Variants in OTOG observed in about 807,000 individuals in gnomAD.
OTOG encodes the protein otogelin.
OTOG carries 296 observed loss-of-function variants against 313.8 expected under a neutral mutation model. That is an observed-to-expected ratio of 0.94 (90% CI 0.86 to 1.04). OTOG has a LOEUF of 1.04. Among genes scored for constraint, OTOG ranks in the 50% least tolerant of loss-of-function variants. OTOG has a pLI of 0.00. For missense variants in OTOG, 3,948 were observed against 3,840.1 expected (o/e 1.03, Z -0.74); for synonymous variants, 1,533 against 1,554.9 (o/e 0.99, Z 0.33).
chr11:17,593,576 T>C, intron 26 of OTOG, 34 bp from the exon 27 acceptor site: 1 of 1,543,538 alleles, frequency 6.5e-7, no homozygotes. Flanking sequence ...TAGGGGGCAC[T>C]TGGGCTCAGG....
In OTOG at chr11:17,632,233, T is replaced by G. The variant is rs752107890; in HGVS notation, c.7072+7T>G. On this transcript the variant is annotated splice_region_variant and intron_variant, in intron 42 of 55. Coordinates refer to ENST00000399397, the MANE Select transcript of OTOG (RefSeq NM_001292063.2). ...CGGCGCTCTGACTACTGCCGTGAGT[T>G]TGCGGGGCAGGGGGACCCTCCATTG... The G allele has an allele frequency of 1.3e-5, 20 of 1,548,164 alleles. 1 individual carries two copies. The South Asian group carries it at 2.4e-4, about 18-fold the overall frequency.
In OTOG at chr11:17,606,087, T is replaced by A; in HGVS notation, c.4108T>A (p.Tyr1370Asn). Residue 1370 changes from tyrosine to asparagine, a missense_variant, in exon 33 of 56, where the codon TAC becomes AAC. Tyr to Asn is a moderately radical substitution (Grantham distance 143). Coordinates refer to ENST00000399397, the MANE Select transcript of OTOG (RefSeq NM_001292063.2). ...GGGCGCGGTGCTGGCCCTGCGGCTG[T>A]ACGAACACACAGAGGTGTTCCGCCG... Reference protein sequence around the residue: ...VSGAVLALRLYEHTEVFRRGT... With the variant: ...VSGAVLALRLNEHTEVFRRGT... The A allele has an allele frequency of 6.5e-7, 1 of 1,549,778 alleles. No homozygotes were observed. Among genetic ancestry groups the A allele is most frequent in the South Asian group, 1.2e-5 (1 of 83,974 alleles).
At chr11:17,549,171 G>A (rs556661788) in intron 3 of OTOG, among the ~76,000 whole-genome samples, 1 of 152,150 alleles carries the variant, frequency 6.6e-6, no homozygotes, top group East Asian at 1.9e-4. Context: ...GCCCGCATTT[G>A]TCTCCCTCTT....
intron 23 of OTOG, among the ~76,000 whole-genome samples, chr11:17,581,507 C>G (rs1852664603): frequency 6.6e-6 from 1 of 152,186 alleles, no homozygotes; most frequent in Admixed American, 6.5e-5. Context: ...AAAAATACAA[C>G]AGAAACTGAC....
chr11:17,619,499 A>T (rs1853810534), intron 39 of OTOG, among the ~76,000 whole-genome samples: 1 of 150,932 alleles, frequency 6.6e-6, no homozygotes, highest in African/African-American at 2.4e-5. Flanking sequence ...CCTTCTTTGG[A>T]TTGTTTTTAA....
rs1371013771 is a variant in OTOG, at chr11:17,611,393, C to G, written c.6093C>G (p.Thr2031=). ...GTTTGGCGGAGGCTTTGGCAACTAC[C>G]ACTGAGGCCAATACATCCACCACCT... ...VEGLAEALAT[T]TEANTSTTCV... is the part of the protein sequence containing the mutation. The change falls in exon 36 of 56, where the codon ACC becomes ACG. Residue 2031 remains threonine, a synonymous_variant. Coordinates refer to ENST00000399397, the MANE Select transcript of OTOG (RefSeq NM_001292063.2). 6.5e-7 allele frequency: 1 copy of G among 1,537,170 alleles called. No homozygotes were observed. Among genetic ancestry groups the G allele is most frequent in the Non-Finnish European group, 8.8e-7 (1 of 1,137,744 alleles).
At chr11:17,639,342 C>T in intron 48 of OTOG, 81 bp from the exon 49 acceptor site, 1 of 1,438,938 alleles carries the variant, frequency 6.9e-7, no homozygotes, top group South Asian at 1.2e-5. Flanking sequence ...GTTGTGCCAG[C>T]AGTGAGAGGT....
At chr11:17,560,608 G>T in intron 12 of OTOG, 101 bp from the exon 13 acceptor site, 1 of 828,706 alleles carries the variant, frequency 1.2e-6, no homozygotes. Flanking sequence ...AGAGATGAAA[G>T]AAGTTAGATA....
In OTOG at chr11:17,558,706, C is replaced by T. The variant is rs543628679; in HGVS notation, c.1103+62C>T. ...AGTATTGGGGTGAGTGCTCAGCACA[C>T]GGGCCATCAAACTGGGTGATCCCAG... On this transcript the variant is annotated intron_variant, in intron 10 of 55. Transcript: ENST00000399397. The T allele has an allele frequency of 2.6e-4, 376 of 1,463,348 alleles. 1 individual carries two copies. The highest frequency in any genetic ancestry group is 2.3e-3 in the East Asian group (92 of 40,562). 90.6% of individuals were successfully genotyped at this position (1,463,348 alleles called of 1,614,324 possible).
intron 48 of OTOG, 75 bp from the exon 49 acceptor site, chr11:17,639,348 G>C: frequency 6.8e-7 from 1 of 1,478,088 alleles, no homozygotes; most frequent in Non-Finnish European, 9.2e-7. Flanking sequence ...CCAGCAGTGA[G>C]AGGTCCAGGG....
intron 36 of OTOG, among the ~76,000 whole-genome samples, 189 bp from the exon 37 acceptor site, chr11:17,611,973 C>T (rs1554975200): frequency 2.0e-5 from 3 of 151,714 alleles, no homozygotes; most frequent in African/African-American, 2.4e-5. Context: ...CCCTGACCCC[C>T]GAGCTCACAC....
intron 54 of OTOG, among the ~76,000 whole-genome samples, chr11:17,645,026 C>T (rs1848045520): frequency 6.6e-6 from 1 of 152,178 alleles, no homozygotes; most frequent in South Asian, 2.1e-4. Context: ...AGTTTCCATC[C>T]CTGTAACAGC....
At chr11:17,587,523 C>T (rs867431888) in intron 24 of OTOG, among the ~76,000 whole-genome samples, 6 of 152,332 alleles carry the variant, frequency 3.9e-5, no homozygotes, top group East Asian at 1.9e-4. Flanking sequence ...ATCTCAGAGA[C>T]CCATCTGGCT....
At chr11:17,638,755 A>G (rs1394261075) in intron 48 of OTOG, 1 of 1,540,388 alleles carries the variant, frequency 6.5e-7, no homozygotes, top group Non-Finnish European at 8.8e-7. Flanking sequence ...CTAGGATAAA[A>G]GAAGGAAAAA....
chr11:17,552,568 C>G (rs1004059907), intron 4 of OTOG, among the ~76,000 whole-genome samples: 18 of 137,112 alleles, frequency 1.3e-4, no homozygotes, highest in African/African-American at 3.2e-4. Flanking sequence ...TCCTGTGTCC[C>G]CCACCTGTCC....
At chr11:17,559,790 G>A (rs1852139552) in intron 12 of OTOG, 128 bp downstream of exon 12, 4 of 759,808 alleles carry the variant, frequency 5.3e-6, no homozygotes, top group Admixed American at 3.5e-5. Flanking sequence ...GAGGGAGGGA[G>A]GAAGGAAAAA....
chr11:17,562,672 T>C (rs1244001689), intron 15 of OTOG, among the ~76,000 whole-genome samples: 2 of 152,228 alleles, frequency 1.3e-5, no homozygotes, highest in Non-Finnish European at 2.9e-5. Context: ...AATTATTAAC[T>C]GGAATTCCTG....
At position 17,551,981 on chromosome 11, in the gene OTOG, T is replaced by C; in HGVS notation, c.217-19T>C. ...TGAGGTCAGCCCTCGATGTGTTCTC[T>C]TCCTCCTGTCTTCACAAGCAGGCTG... On this transcript the variant is annotated intron_variant, in intron 3 of 55. Coordinates refer to ENST00000399397, the MANE Select transcript of OTOG (RefSeq NM_001292063.2). The C allele has an allele frequency of 6.5e-7, 1 of 1,549,908 alleles. No individual in the cohort carries two copies. The highest frequency in any genetic ancestry group is 8.7e-7 in the Non-Finnish European group (1 of 1,146,456).
At position 17,576,101 on chromosome 11, in the gene OTOG, G is replaced by A. The variant is rs939422183; in HGVS notation, c.2487-455G>A. Among the ~76,000 whole-genome samples, 32 of 152,244 alleles carry A rather than the reference G, an allele frequency of 2.1e-4. 1 individual carries two copies. Among genetic ancestry groups the A allele is most frequent in the Non-Finnish European group, 2.6e-4 (18 of 68,050 alleles). ...GCCTGGCTGGGTGTCCCTGGCCAGAGGTCAATGTACTTAACAACCAGTGCA... is the reference window on the plus strand; with the variant it reads ...GCCTGGCTGGGTGTCCCTGGCCAGAAGTCAATGTACTTAACAACCAGTGCA... On this transcript the variant is annotated intron_variant, in intron 20 of 55. Transcript: ENST00000399397.
Sources: gnomAD v4.1 joint callset for allele counts (sites outside exome capture counted in the v4.1 genomes callset) on GRCh38, gnomAD v4.1.1 for gene constraint, MANE v1.5 for transcripts, NCBI Gene and HGNC (gene_info 2026-07-23, HGNC 2026-07-21) for gene names.